Variants in COL23A1 observed in about 807,000 individuals in gnomAD.
The protein encoded by COL23A1 is collagen alpha-1(XXIII) chain.
COL23A1 carries 97 observed loss-of-function variants against 99.3 expected under a neutral mutation model. That is an observed-to-expected ratio of 0.98 (90% CI 0.83 to 1.16). The LOEUF (loss-of-function observed/expected upper bound fraction) is 1.16. Among genes scored for constraint, COL23A1 ranks in the 50% most tolerant of loss-of-function variants. The pLI is 0.00. For synonymous variants in COL23A1, 320 were observed against 308.2 expected, an observed-to-expected ratio of 1.04 and a Z score of -0.40; for missense variants, 762 against 757.4, an observed-to-expected ratio of 1.01 and a Z score of -0.07.
intron 5 of COL23A1, among the ~76,000 whole-genome samples, chr5:178,273,622 C>T (rs79217849): frequency 0.024 from 3,649 of 152,272 alleles, 102 homozygotes; most frequent in Middle Eastern, 0.082. Flanking sequence ...GTGCCTGCAC[C>T]GGCACTGAAG....
chr5:178,270,211 A>G (rs1756206678), intron 6 of COL23A1, 126 bp downstream of exon 6: 2 of 1,118,866 alleles, frequency 1.8e-6, no homozygotes, highest in South Asian at 2.7e-5. Flanking sequence ...CTGACACCCA[A>G]AAGGCTTCTC....
chr5:178,279,955 C>A (rs1256279997), intron 5 of COL23A1, among the ~76,000 whole-genome samples: 8 of 152,242 alleles, frequency 5.3e-5, no homozygotes, highest in Admixed American at 2.0e-4. Context: ...TGCCACTCAA[C>A]CACAGGCTCC....
intron 2 of COL23A1, among the ~76,000 whole-genome samples, chr5:178,527,800 C>A (rs536619054): frequency 1.3e-5 from 2 of 152,208 alleles, no homozygotes; most frequent in Non-Finnish European, 2.9e-5. Context: ...GGAAACCTGG[C>A]GGAAGCCTGA....
At chr5:178,549,242 C>T (rs972443919) in intron 2 of COL23A1, among the ~76,000 whole-genome samples, 6 of 151,944 alleles carry the variant, frequency 3.9e-5, no homozygotes, top group Non-Finnish European at 7.4e-5. Flanking sequence ...TATCCACCCG[C>T]CTCGGCCTCC....
intron 2 of COL23A1, among the ~76,000 whole-genome samples, chr5:178,402,609 G>T (rs77914138): frequency 0.047 from 7,226 of 152,238 alleles, 475 homozygotes; most frequent in East Asian, 0.3. Flanking sequence ...GCAACTGGCT[G>T]TGTGTGGTGG....
intron 27 of COL23A1, among the ~76,000 whole-genome samples, chr5:178,239,437 T>C (rs1440330809): frequency 6.6e-6 from 1 of 152,172 alleles, no homozygotes; most frequent in Non-Finnish European, 1.5e-5. Flanking sequence ...TGCTGTGCAG[T>C]GGGCAGGAAC....
intron 2 of COL23A1, among the ~76,000 whole-genome samples, chr5:178,364,259 T>C (rs1561904579): frequency 1.3e-5 from 2 of 152,190 alleles, no homozygotes; most frequent in African/African-American, 4.8e-5. Context: ...GCTCCACACA[T>C]GGCCAGAACT....
intron 5 of COL23A1, among the ~76,000 whole-genome samples, chr5:178,278,468 G>A (rs1385739431): frequency 2.0e-5 from 3 of 152,258 alleles, no homozygotes; most frequent in Non-Finnish European, 4.4e-5. Flanking sequence ...ATGACTGCAT[G>A]TGCGGAACTG....
At chr5:178,535,103 G>C (rs934443896) in intron 2 of COL23A1, among the ~76,000 whole-genome samples, 1 of 151,286 alleles carries the variant, frequency 6.6e-6, no homozygotes, top group Non-Finnish European at 1.5e-5. Flanking sequence ...CCCCCCAGTA[G>C]CTGGGATTAC....
At chr5:178,330,138 G>T (rs1239236076) in intron 2 of COL23A1, among the ~76,000 whole-genome samples, 1 of 152,160 alleles carries the variant, frequency 6.6e-6, no homozygotes, top group African/African-American at 2.4e-5. Context: ...CTTTTCCCCT[G>T]AAAAGCCTGG....
intron 2 of COL23A1, among the ~76,000 whole-genome samples, chr5:178,547,118 T>C (rs1449493283): frequency 6.6e-6 from 1 of 152,134 alleles, no homozygotes; most frequent in African/African-American, 2.4e-5. Context: ...TAGAGAAGGC[T>C]TTTCAGGGAA....
intron 2 of COL23A1, among the ~76,000 whole-genome samples, chr5:178,386,526 A>T (rs938374542): frequency 5.3e-4 from 80 of 150,890 alleles, no homozygotes; most frequent in Non-Finnish European, 4.4e-5. Context: ...AAATATTTCC[A>T]TTTTTGGCCA....
intron 2 of COL23A1, among the ~76,000 whole-genome samples, chr5:178,523,201 T>TATATACACATATATATATATATATAG (rs1223542330): frequency 2.6e-5 from 2 of 77,632 alleles, no homozygotes; most frequent in African/African-American, 4.6e-5. Context: ...TATATATATA[T>TATATACACATATATATATATATATAG]AGAGAGAGAG....
chr5:178,343,259 A>C (rs979086546), intron 2 of COL23A1, among the ~76,000 whole-genome samples: 1 of 152,156 alleles, frequency 6.6e-6, no homozygotes, highest in Non-Finnish European at 1.5e-5. Context: ...ACCCCCATCA[A>C]TTAGCTAAGA....
At chr5:178,312,698 C>A (rs1758767688) in intron 2 of COL23A1, among the ~76,000 whole-genome samples, 1 of 152,084 alleles carries the variant, frequency 6.6e-6, no homozygotes. Context: ...CCTGCCCAGG[C>A]CTCTCCCTCT....
rs1394870349 is a variant in COL23A1 at position 178,547,996 on chromosome 5, CCCCCAT to C, written c.361+12680_361+12685del. On this transcript the variant is annotated intron_variant, in intron 2 of 28. Coordinates refer to ENST00000390654, the MANE Select transcript of COL23A1 (RefSeq NM_173465.4). ...CATACCCACACCCACCCCCCACACA[CCCCCAT>C]ACCCACCCACACACACCCACCCACA... 6.9e-4 allele frequency among the ~76,000 whole-genome samples: 19 copies of C among 27,686 alleles called. 1 individual carries two copies. The highest frequency in any genetic ancestry group is 1.0e-3 in the Non-Finnish European group (14 of 13,654). 18.2% of individuals were successfully genotyped at this position (27,686 alleles called of 152,430 possible). A position where few individuals can be genotyped will look rare whatever the true frequency, so the allele number is the denominator to read the frequency against.
chr5:178,537,954 ACCT>A (rs1761072824), intron 2 of COL23A1, among the ~76,000 whole-genome samples: 1 of 152,126 alleles, frequency 6.6e-6, no homozygotes, highest in African/African-American at 2.4e-5. Flanking sequence ...CACCCCAGGT[ACCT>A]CCTATGAGTG....
intron 2 of COL23A1, among the ~76,000 whole-genome samples, chr5:178,463,141 T>C (rs1467902960): frequency 6.6e-6 from 1 of 152,222 alleles, no homozygotes; most frequent in Non-Finnish European, 1.5e-5. Flanking sequence ...GCAGCACGGA[T>C]GGGCTTTTTT....
chr5:178,410,911 T>C (rs1375290814), intron 2 of COL23A1, among the ~76,000 whole-genome samples: 1 of 152,186 alleles, frequency 6.6e-6, no homozygotes, highest in African/African-American at 2.4e-5. Context: ...ATCTAGAATA[T>C]ATAATCAAAT....
Sources: gnomAD v4.1 joint callset for allele counts (sites outside exome capture counted in the v4.1 genomes callset) on GRCh38, gnomAD v4.1.1 for gene constraint, MANE v1.5 for transcripts, NCBI Gene and HGNC (gene_info 2026-07-23, HGNC 2026-07-21) for gene names.